SGCE: variants seen among roughly 807,000 people sequenced by gnomAD.
SGCE encodes the protein epsilon-sarcoglycan.
SGCE carries 26 observed loss-of-function variants against 57.8 expected under a neutral mutation model. The ratio of observed to expected loss-of-function variants is 0.45; its 90% CI spans 0.33 to 0.62. The LOEUF (loss-of-function observed/expected upper bound fraction) is 0.62. SGCE is among the 20% of genes least tolerant of loss of function. The probability of loss-of-function intolerance (pLI) is 0.02; values close to 1 mark genes in which losing one functional copy is unlikely to be tolerated. For missense variants in SGCE, 468 were observed against 548.6 expected, an observed-to-expected ratio of 0.85 and a Z score of 1.47; for synonymous variants, 183 against 189.5, an observed-to-expected ratio of 0.97 and a Z score of 0.28.
intron 5 of SGCE, among the ~76,000 whole-genome samples, chr7:94,609,247 C>G (rs1188767487): frequency 6.6e-6 from 1 of 152,244 alleles, no homozygotes; most frequent in Admixed American, 6.5e-5. Flanking sequence ...GGGCCAGAGG[C>G]CAGATGCAGT....
chr7:94,618,142 A>G, intron 5 of SGCE: 1 of 152,350 alleles, frequency 6.6e-6, no homozygotes, highest in East Asian at 1.9e-4. Flanking sequence ...TTCAGAACTG[A>G]CAAATACCTT....
chr7:94,609,208 A>G (rs1360894406), intron 5 of SGCE, among the ~76,000 whole-genome samples: 1 of 152,356 alleles, frequency 6.6e-6, no homozygotes. Flanking sequence ...CACTTAAAAC[A>G]TAAAACAACA....
chr7:94,585,202 C>T lies in SGCE; in HGVS notation c.*297G>A, dbSNP rs2116520649. ...TACTAAATAGGAAGCAAATAGTTTACTGAAGTAAATTTCACCAGTCATTAG... is the reference window on the plus strand; with the variant it reads ...TACTAAATAGGAAGCAAATAGTTTATTGAAGTAAATTTCACCAGTCATTAG... On this transcript the variant is annotated 3_prime_UTR_variant, in exon 11 of 11. Coordinates refer to ENST00000648936, the MANE Select transcript of SGCE (RefSeq NM_003919.3). 1 of 337,786 alleles carries T rather than the reference C, an allele frequency of 3.0e-6. No individual in the cohort carries two copies. The highest frequency in any genetic ancestry group is 5.4e-6 in the Non-Finnish European group (1 of 185,608). 20.9% of individuals were successfully genotyped at this position (337,786 alleles called of 1,614,324 possible).
intron 1 of SGCE, among the ~76,000 whole-genome samples, chr7:94,655,311 C>T (rs1449196848): frequency 6.6e-6 from 1 of 152,126 alleles, no homozygotes; most frequent in East Asian, 1.9e-4. Flanking sequence ...CTGGAAATAG[C>T]GCACTCGGTA....
chr7:94,587,652 C>A, intron 10 of SGCE: 2 of 1,482,560 alleles, frequency 1.3e-6, no homozygotes, highest in South Asian at 1.4e-5. Context: ...ACCAACACAT[C>A]AATATATTGA....
chr7:94,587,553 ATTCAT>A, intron 10 of SGCE: 1 of 1,318,868 alleles, frequency 7.6e-7, no homozygotes, highest in Non-Finnish European at 9.6e-7. Context: ...GGTAGTAGGG[ATTCAT>A]TTATCTTTTT....
intron 1 of SGCE, among the ~76,000 whole-genome samples, chr7:94,630,796 C>G (rs958357536): frequency 6.6e-6 from 1 of 151,870 alleles, no homozygotes; most frequent in Admixed American, 6.6e-5. Context: ...TCTTTTAAGT[C>G]ATTAATGGAT....
chr7:94,586,073 A>AAC (rs1562775201), intron 10 of SGCE, among the ~76,000 whole-genome samples: 3 of 149,988 alleles, frequency 2.0e-5, no homozygotes, highest in African/African-American at 7.3e-5. Context: ...AAAAAAAAAA[A>AAC]AAAAAAAAAA....
chr7:94,627,701 C>T (rs151036707), intron 3 of SGCE: 3 of 155,430 alleles, frequency 1.9e-5, no homozygotes, highest in Non-Finnish European at 4.3e-5. Flanking sequence ...GCAGTTATTA[C>T]AGTGTTGGCT....
At chr7:94,587,913 G>A in intron 10 of SGCE, 3 of 1,468,588 alleles carry the variant, frequency 2.0e-6, no homozygotes, top group Non-Finnish European at 2.7e-6. Flanking sequence ...TTACTTAATA[G>A]TTTCCCTACC....
Position 94,599,602 on chromosome 7 carries a change from A to G in SGCE, c.1064+95T>C, listed in dbSNP as rs1798897497. 3.1e-6 allele frequency: 3 copies of G among 965,962 alleles called. No individual in the cohort carries two copies. In the Admixed American group the frequency reaches 5.4e-5, roughly 17 times the overall value. The allele number at this position is 965,962 out of a possible 1,614,324, so 59.8% of individuals were successfully genotyped here. On this transcript the variant is annotated intron_variant, in intron 8 of 10. Coordinates refer to ENST00000648936, the MANE Select transcript of SGCE (RefSeq NM_003919.3). ...TGAAATAAACTATGAAAGATGACAAATGAAAAAAAGCTTGACACACATGTA... is the reference window on the plus strand; with the variant it reads ...TGAAATAAACTATGAAAGATGACAAGTGAAAAAAAGCTTGACACACATGTA...
chr7:94,586,997 G>T, intron 10 of SGCE: 1 of 983,866 alleles, frequency 1.0e-6, no homozygotes, highest in South Asian at 4.7e-5. Context: ...GCAGAAAAAT[G>T]TAAGAAAACA....
At chr7:94,603,977 A>G (rs1338256323) in intron 5 of SGCE, among the ~76,000 whole-genome samples, 3 of 152,250 alleles carry the variant, frequency 2.0e-5, no homozygotes, top group South Asian at 4.1e-4. Flanking sequence ...TTTTTCTACT[A>G]CACAAACCCC....
At chr7:94,630,840 AG>A (rs568134273) in intron 1 of SGCE, among the ~76,000 whole-genome samples, 217 of 152,056 alleles carry the variant, frequency 1.4e-3, no homozygotes, top group Non-Finnish European at 2.6e-3. Context: ...ATGAACCACA[AG>A]GCTGCTCACT....
chr7:94,643,458 G>A (rs1806669105), intron 1 of SGCE, among the ~76,000 whole-genome samples: 1 of 152,184 alleles, frequency 6.6e-6, no homozygotes, highest in Non-Finnish European at 1.5e-5. Flanking sequence ...TTCAAGGCCA[G>A]CACTGCTTTT....
At chr7:94,655,719 T>G (rs955355581) in intron 1 of SGCE, among the ~76,000 whole-genome samples, 1 of 150,456 alleles carries the variant, frequency 6.6e-6, no homozygotes. Context: ...GGAACAGGAA[T>G]TGGAGATGGA....
intron 1 of SGCE, among the ~76,000 whole-genome samples, chr7:94,630,841 G>A (rs1392082308): frequency 1.3e-5 from 2 of 151,456 alleles, no homozygotes; most frequent in South Asian, 2.1e-4. Flanking sequence ...TGAACCACAA[G>A]GCTGCTCACT....
chr7:94,651,993 G>A (rs145066100), intron 1 of SGCE, among the ~76,000 whole-genome samples: 2 of 151,864 alleles, frequency 1.3e-5, no homozygotes, highest in Non-Finnish European at 2.9e-5. Context: ...CTGGAAATCA[G>A]GGAGATAACA....
intron 5 of SGCE, among the ~76,000 whole-genome samples, chr7:94,615,848 C>T (rs1801850096): frequency 6.6e-6 from 1 of 152,180 alleles, no homozygotes; most frequent in Non-Finnish European, 1.5e-5. Context: ...CTCTTCTTCC[C>T]ACCAGCTTTA....
Sources: allele counts gnomAD v4.1 joint callset (sites outside exome capture counted in the v4.1 genomes callset), GRCh38; gene constraint gnomAD v4.1.1; transcripts MANE v1.5; gene names NCBI Gene and HGNC (gene_info 2026-07-23, HGNC 2026-07-21).